CCDC169: variants seen among roughly 807,000 people sequenced by gnomAD.
CCDC169 encodes coiled-coil domain-containing protein 169.
Under a neutral mutation model 36.0 loss-of-function variants are expected in CCDC169, and 30 were observed. That is an observed-to-expected ratio of 0.83 (90% CI 0.62 to 1.13). The LOEUF (loss-of-function observed/expected upper bound fraction) is 1.13. Among genes scored for constraint, CCDC169 ranks in the 50% most tolerant of loss-of-function variants. The pLI is 0.00. For missense variants in CCDC169, 245 were observed against 245.9 expected, an observed-to-expected ratio of 1.00 and a Z score of 0.03; for synonymous variants, 85 against 81.5, an observed-to-expected ratio of 1.04 and a Z score of -0.23.
chr13:36,293,149 A>T (rs1444155577), intron 2 of CCDC169, among the ~76,000 whole-genome samples: 2 of 152,086 alleles, frequency 1.3e-5, no homozygotes, highest in Non-Finnish European at 2.9e-5. Flanking sequence ...CAGTGAATGT[A>T]CCCCTATTTG....
intron 2 of CCDC169, among the ~76,000 whole-genome samples, chr13:36,290,732 T>C (rs1878777582): frequency 6.6e-6 from 1 of 152,134 alleles, no homozygotes; most frequent in Admixed American, 6.5e-5. Flanking sequence ...TGAGTTTTGG[T>C]TTTTGGCTCT....
In CCDC169 at chr13:36,283,487, G is replaced by GACA; in HGVS notation, c.294_296dup (p.Val99dup). 1 of 1,549,108 alleles carries GACA rather than the reference G, an allele frequency of 6.5e-7. No homozygotes were observed. The highest frequency in any genetic ancestry group is 8.7e-7 in the Non-Finnish European group (1 of 1,144,984). On this transcript the variant is annotated inframe_insertion, in exon 4 of 8. Coordinates refer to ENST00000239859, the MANE Select transcript of CCDC169 (RefSeq NM_001144981.3). ...TACTCACCACTGGCATTCGTTCATA[G>GACA]ACACGAATAGAAGATAGTCTATCTA...
intron 2 of CCDC169, among the ~76,000 whole-genome samples, chr13:36,285,606 G>C (rs374166481): frequency 1.4e-5 from 2 of 139,998 alleles, no homozygotes; most frequent in African/African-American, 5.2e-5. Flanking sequence ...TAGATAGATA[G>C]ATAGATAGAT....
At chr13:36,227,035 G>C (rs994577531), downstream of CCDC169, 1 of 435,284 alleles carries the variant, frequency 2.3e-6, no homozygotes, top group African/African-American at 2.0e-5. Flanking sequence ...GGTGAAGTCA[G>C]CTCGAGGAGA....
intron 2 of CCDC169, among the ~76,000 whole-genome samples, chr13:36,285,614 G>GATACATAGATACATAGATAC (rs60807853): frequency 1.3e-4 from 18 of 138,074 alleles, no homozygotes; most frequent in Non-Finnish European, 2.2e-4. Flanking sequence ...TAGATAGATA[G>GATACATAGATACATAGATAC]ATAGATACAT....
At chr13:36,235,528 T>C (rs943954307) in intron 7 of CCDC169, among the ~76,000 whole-genome samples, 6 of 151,970 alleles carry the variant, frequency 3.9e-5, no homozygotes, top group Admixed American at 3.3e-4. Flanking sequence ...ACATTATATT[T>C]AATGTAAAAA....
intron 4 of CCDC169, among the ~76,000 whole-genome samples, chr13:36,270,710 G>A (rs989705970): frequency 1.3e-5 from 2 of 152,092 alleles, no homozygotes; most frequent in African/African-American, 4.8e-5. Context: ...GGGAAAACTA[G>A]CAATCCACAT....
chr13:36,279,869 A>G (rs1454632647), intron 4 of CCDC169, among the ~76,000 whole-genome samples: 2 of 152,202 alleles, frequency 1.3e-5, no homozygotes, highest in Non-Finnish European at 2.9e-5. Flanking sequence ...CATCTACAGA[A>G]AAGTTTGCTA....
At chr13:36,281,579 C>T (rs1877543596) in intron 4 of CCDC169, among the ~76,000 whole-genome samples, 1 of 152,082 alleles carries the variant, frequency 6.6e-6, no homozygotes, top group Non-Finnish European at 1.5e-5. Flanking sequence ...ATGGCTGAAA[C>T]AGGCGGGGTG....
At chr13:36,276,455 T>C (rs943122510) in intron 4 of CCDC169, among the ~76,000 whole-genome samples, 4 of 152,206 alleles carry the variant, frequency 2.6e-5, no homozygotes, top group Non-Finnish European at 5.9e-5. Flanking sequence ...TTCCAGAGAA[T>C]GTTTGAGATG....
intron 4 of CCDC169, among the ~76,000 whole-genome samples, chr13:36,271,718 G>C (rs956528372): frequency 6.6e-6 from 1 of 152,122 alleles, no homozygotes; most frequent in African/African-American, 2.4e-5. Flanking sequence ...GTATGCAGAA[G>C]CATACAGAGT....
rs1428689733 is a variant in CCDC169 at position 36,230,858 on chromosome 13, T to C, written c.*335A>G. 3.0e-6 allele frequency: 3 copies of C among 1,004,034 alleles called. No individual in the cohort carries two copies. Among genetic ancestry groups the C allele is most frequent in the Non-Finnish European group, 3.6e-6 (3 of 842,844 alleles). The allele number at this position is 1,004,034 out of a possible 1,614,324, so 62.2% of individuals were successfully genotyped here. On this transcript the variant is annotated 3_prime_UTR_variant, in exon 8 of 8. Coordinates refer to ENST00000239859, the MANE Select transcript of CCDC169 (RefSeq NM_001144981.3). The stretch of plus-strand genomic sequence containing the variant: ...AAAGGTTTTATGAATACACACTTTT[T>C]GCTAACAGTCAACTAGAAACCAAAT...
At chr13:36,234,973 CCTAA>C (rs1190789513) in intron 7 of CCDC169, among the ~76,000 whole-genome samples, 3 of 151,848 alleles carry the variant, frequency 2.0e-5, no homozygotes, top group Admixed American at 6.6e-5. Context: ...TTTTAAATCT[CCTAA>C]CTGATTAAGA....
chr13:36,230,006 TTTATAG>T (rs1566055720), downstream of CCDC169, among the ~76,000 whole-genome samples: 5 of 152,334 alleles, frequency 3.3e-5, no homozygotes, highest in African/African-American at 1.2e-4. Context: ...TGTAGAATGA[TTTATAG>T]AAAGTTACTT....
chr13:36,240,722 G>A, intron 7 of CCDC169: 1 of 790,014 alleles, frequency 1.3e-6, no homozygotes, highest in African/African-American at 1.9e-5. Flanking sequence ...ATAAACTTTA[G>A]TTTTCTATTT....
At chr13:36,247,690 T>C (rs931777211) in intron 7 of CCDC169, among the ~76,000 whole-genome samples, 2 of 152,172 alleles carry the variant, frequency 1.3e-5, no homozygotes, top group Non-Finnish European at 2.9e-5. Flanking sequence ...GATGAGGAGT[T>C]GCTTCTTACA....
At chr13:36,289,742 T>A (rs1878648409) in intron 2 of CCDC169, among the ~76,000 whole-genome samples, 1 of 152,220 alleles carries the variant, frequency 6.6e-6, no homozygotes, top group Admixed American at 6.5e-5. Flanking sequence ...TGAAAGTTGT[T>A]ATATGCATGT....
intron 6 of CCDC169, among the ~76,000 whole-genome samples, chr13:36,250,192 G>T (rs1054086215): frequency 3.9e-5 from 6 of 152,258 alleles, no homozygotes; most frequent in African/African-American, 1.4e-4. Flanking sequence ...AAGAACTAAG[G>T]AAAGAATATT....
intron 2 of CCDC169, among the ~76,000 whole-genome samples, chr13:36,294,313 T>G (rs909449014): frequency 1.3e-5 from 2 of 152,204 alleles, no homozygotes; most frequent in African/African-American, 4.8e-5. Flanking sequence ...GTTTTTCCTG[T>G]AACTGGGTAC....
Sources: gnomAD v4.1 joint callset for allele counts (sites outside exome capture counted in the v4.1 genomes callset) on GRCh38, gnomAD v4.1.1 for gene constraint, MANE v1.5 for transcripts, NCBI Gene and HGNC (gene_info 2026-07-23, HGNC 2026-07-21) for gene names.